Variants in DAP3 observed in about 807,000 individuals in gnomAD.
The protein encoded by DAP3 is death associated protein 3.
Under a neutral mutation model 51.9 loss-of-function variants are expected in DAP3, and 28 were observed. The observed-to-expected ratio is 0.54, with a 90% CI of 0.40 to 0.74. The LOEUF is 0.74. Ranked by LOEUF, DAP3 falls within the 30% of genes least tolerant of loss-of-function variation. DAP3 has a pLI of 0.00. For synonymous variants in DAP3, 170 were observed against 170.3 expected, an observed-to-expected ratio of 1.00 and a Z score of 0.01; for missense variants, 458 against 483.5, an observed-to-expected ratio of 0.95 and a Z score of 0.49.
intron 11 of DAP3, among the ~76,000 whole-genome samples, chr1:155,734,708 A>G (rs945982874): frequency 9.9e-5 from 15 of 151,772 alleles, no homozygotes; most frequent in Non-Finnish European, 1.9e-4. Context: ...ATGTACATAC[A>G]TACATGTATG....
chr1:155,708,607 T>C (rs904825572), intron 1 of DAP3, among the ~76,000 whole-genome samples: 4 of 148,064 alleles, frequency 2.7e-5, no homozygotes, highest in African/African-American at 1.0e-4. Flanking sequence ...AGTGGTGTGA[T>C]ATCAGCTCAC....
At chr1:155,688,110 A>G (rs143953255), upstream of DAP3, 13,529 of 1,610,104 alleles carry the variant, frequency 8.4e-3, 105 homozygotes, top group Non-Finnish European at 9.7e-3. Flanking sequence ...CAGGGAAGTG[A>G]GGAAGAGGGG....
intron 4 of DAP3, among the ~76,000 whole-genome samples, chr1:155,723,489 T>C (rs1318727095): frequency 2.6e-5 from 4 of 151,940 alleles, no homozygotes; most frequent in Admixed American, 6.6e-5. Flanking sequence ...CCACCACGCC[T>C]GGCTAATTTT....
At chr1:155,737,714 C>G (rs1451552347) in intron 12 of DAP3, among the ~76,000 whole-genome samples, 1 of 150,832 alleles carries the variant, frequency 6.6e-6, no homozygotes, top group Admixed American at 6.6e-5. Context: ...CACTTGATGT[C>G]GGGAGTTTGA....
At chr1:155,702,491 A>G (rs1260539488) in intron 1 of DAP3, among the ~76,000 whole-genome samples, 1 of 152,082 alleles carries the variant, frequency 6.6e-6, no homozygotes, top group Non-Finnish European at 1.5e-5. Context: ...AAAGAAAATT[A>G]GAAAACTTGC....
At chr1:155,724,432 G>A (rs919141588) in intron 4 of DAP3, among the ~76,000 whole-genome samples, 1 of 150,914 alleles carries the variant, frequency 6.6e-6, no homozygotes, top group East Asian at 2.0e-4. Flanking sequence ...TCAGGAGTTC[G>A]AGACCAGCCT....
intron 11 of DAP3, among the ~76,000 whole-genome samples, chr1:155,735,111 A>G (rs1006886694): frequency 1.3e-5 from 2 of 150,174 alleles, no homozygotes; most frequent in African/African-American, 2.4e-5. Flanking sequence ...AAAAAATGAA[A>G]AAAAAAAAAA....
intron 1 of DAP3, among the ~76,000 whole-genome samples, chr1:155,699,707 A>T (rs1654945575): frequency 6.6e-6 from 1 of 150,434 alleles, no homozygotes; most frequent in African/African-American, 2.5e-5. Context: ...TCAAGCTCCC[A>T]GGCCCAGGTG....
At chr1:155,699,451 C>G (rs961508481) in intron 1 of DAP3, among the ~76,000 whole-genome samples, 8 of 152,176 alleles carry the variant, frequency 5.3e-5, no homozygotes, top group Non-Finnish European at 8.8e-5. Flanking sequence ...CCTCTTGTGG[C>G]TTTCCACAAC....
At chr1:155,737,198 C>A in intron 12 of DAP3, 135 bp downstream of exon 12, 1 of 700,976 alleles carries the variant, frequency 1.4e-6, no homozygotes, top group Non-Finnish European at 2.5e-6. Flanking sequence ...TTCTTTCTGG[C>A]TGATAAATGG....
intron 11 of DAP3, among the ~76,000 whole-genome samples, chr1:155,735,467 C>T (rs1451387262): frequency 6.6e-6 from 1 of 151,806 alleles, no homozygotes; most frequent in Non-Finnish European, 1.5e-5. Flanking sequence ...ATGCCAGCTA[C>T]TCGTGAGGCT....
intron 1 of DAP3, among the ~76,000 whole-genome samples, chr1:155,692,875 A>C (rs939967793): frequency 4.2e-5 from 6 of 142,130 alleles, no homozygotes; most frequent in Non-Finnish European, 8.8e-5. Context: ...TTGTTGGTCT[A>C]TCCGGGTCTG....
At chr1:155,719,786 A>T (rs570154753) in intron 3 of DAP3, among the ~76,000 whole-genome samples, 1 of 151,398 alleles carries the variant, frequency 6.6e-6, no homozygotes, top group East Asian at 2.0e-4. Context: ...TGACCTCATA[A>T]TCCACCCACC....
Position 155,727,743 on chromosome 1 carries a change from C to G in DAP3, c.603+5C>G, listed in dbSNP as rs768857373. The G allele has an allele frequency of 1.2e-6, 2 of 1,613,216 alleles. No homozygotes were observed. On this transcript the variant is annotated splice_donor_5th_base_variant and intron_variant, in intron 7 of 12. Coordinates refer to ENST00000368336, the MANE Select transcript of DAP3 (RefSeq NM_004632.4). ...AATGAGCGCTTCCTGAACCAGGTGA[C>G]TAGACTCCCAGAAGTTGAGTGCTAG...
chr1:155,695,155 C>G (rs1654351512), intron 1 of DAP3, among the ~76,000 whole-genome samples: 1 of 152,160 alleles, frequency 6.6e-6, no homozygotes, highest in Non-Finnish European at 1.5e-5. Flanking sequence ...ATTCCCATGA[C>G]AGTAAAACAG....
chr1:155,724,832 G>A (rs1249195061), intron 4 of DAP3, among the ~76,000 whole-genome samples: 1 of 151,702 alleles, frequency 6.6e-6, no homozygotes, highest in Non-Finnish European at 1.5e-5. Context: ...GTGGGTGCCT[G>A]TAATCCCAGC....
rs578012845 is a variant in DAP3 at position 155,690,278 on chromosome 1, G to A, written c.-8+1104G>A. Among the ~76,000 whole-genome samples the A allele has an allele frequency of 6.4e-5, 9 of 141,712 alleles. 1 individual carries two copies. Among genetic ancestry groups the A allele is most frequent in the African/African-American group, 9.6e-5 (3 of 31,278 alleles). 93.0% of individuals were successfully genotyped at this position (141,712 alleles called of 152,430 possible). A position where few individuals can be genotyped will look rare whatever the true frequency, so the allele number is the denominator to read the frequency against. On this transcript the variant is annotated intron_variant, in intron 1 of 12. Transcript: ENST00000368336. ...ACAGAAAGAAGACATTAGGCTGGGC[G>A]CAGTGGCTCACACCTGTAATCTCAG...
rs2101542227 is a variant in DAP3 at position 155,738,801 on chromosome 1, GTC to G, written c.*563_*564del. 1 of 152,136 alleles carries G rather than the reference GTC, an allele frequency of 6.6e-6. No individual in the cohort carries two copies. The highest frequency in any genetic ancestry group is 2.4e-5 in the African/African-American group (1 of 41,492). The allele number at this position is 152,136 out of a possible 1,614,324, so 9.4% of individuals were successfully genotyped here. On this transcript the variant is annotated 3_prime_UTR_variant, in exon 13 of 13. Transcript: ENST00000368336. ...AGCCTGGGCAACATGGTGAAAACCT[GTC>G]TCTACTAAAAATACAAAAATTAGCC...
rs1233384322 is a variant in DAP3 at position 155,718,747 on chromosome 1, GAT to G, written c.168+1623_168+1624del. Among the ~76,000 whole-genome samples the G allele has an allele frequency of 4.9e-5, 7 of 142,300 alleles. No individual in the cohort carries two copies. The East Asian group carries it at 6.1e-4, about 12-fold the overall frequency. 93.4% of individuals were successfully genotyped at this position (142,300 alleles called of 152,430 possible). On this transcript the variant is annotated intron_variant, in intron 3 of 12. Transcript: ENST00000368336. Reference sequence around the variant, plus strand: ...AGATAGATAGATAGATAGATAGATAGATATAGATATAGATGAAGATATATATA... The same window carrying G: ...AGATAGATAGATAGATAGATAGATAGATAGATATAGATGAAGATATATATA...
Sources: allele counts gnomAD v4.1 joint callset (sites outside exome capture counted in the v4.1 genomes callset), GRCh38; gene constraint gnomAD v4.1.1; transcripts MANE v1.5; gene names NCBI Gene and HGNC (gene_info 2026-07-23, HGNC 2026-07-21).